MDN1: variants seen among roughly 807,000 people sequenced by gnomAD.
MDN1 encodes midasin AAA ATPase 1.
A neutral mutation model predicts 669.2 loss-of-function variants in MDN1; 266 were observed. The ratio of observed to expected loss-of-function variants is 0.40; its 90% CI spans 0.36 to 0.44. MDN1 has a LOEUF of 0.44. MDN1 is among the 20% of genes least tolerant of loss of function. The pLI is 1.00. For synonymous variants in MDN1, 2,385 were observed against 2,457.1 expected (o/e 0.97, Z 0.87); for missense variants, 5,940 against 6,754.0 (o/e 0.88, Z 4.22).
chr6:89,781,154 T>C lies in MDN1; in HGVS notation c.1643+245A>G. The C allele has an allele frequency of 7.7e-6, 4 of 522,776 alleles. No individual in the cohort carries two copies. In the South Asian group the frequency reaches 8.9e-5, roughly 12 times the overall value. 32.4% of individuals were successfully genotyped at this position (522,776 alleles called of 1,614,324 possible). A position where few individuals can be genotyped will look rare whatever the true frequency, so the allele number is the denominator to read the frequency against. ...AAGTTATTTTTTAAAGTTAAAAACA[T>C]TACCCTAATCGAGCCTTCCCAGTCA... On this transcript the variant is annotated intron_variant, in intron 10 of 101. Coordinates refer to ENST00000369393, the MANE Select transcript of MDN1 (RefSeq NM_014611.3).
intron 76 of MDN1, among the ~76,000 whole-genome samples, chr6:89,676,486 A>G (rs566997476): frequency 6.6e-6 from 1 of 152,178 alleles, no homozygotes; most frequent in African/African-American, 2.4e-5. Flanking sequence ...TCTGATGCCT[A>G]CAGGGGCCAG....
chr6:89,804,876 T>C (rs1767908739), intron 1 of MDN1, among the ~76,000 whole-genome samples: 1 of 150,536 alleles, frequency 6.6e-6, no homozygotes, highest in Non-Finnish European at 1.5e-5. Flanking sequence ...CTACTAAAAA[T>C]ACAAAAAAAA....
In MDN1 at chr6:89,749,405, C is replaced by T. The variant is rs747379503; in HGVS notation, c.3616-36G>A. The stretch of plus-strand genomic sequence containing the variant: ...CACAGGAAGAATGCAGTAAAAGGTG[C>T]CTTTTAATTTCCAATATGGAGGCTC... On this transcript the variant is annotated intron_variant, in intron 25 of 101. Transcript: ENST00000369393. 4.4e-6 allele frequency: 7 copies of T among 1,605,792 alleles called. No individual in the cohort carries two copies. In the South Asian group the frequency reaches 4.5e-5, roughly 10 times the overall value.
intron 53 of MDN1, among the ~76,000 whole-genome samples, chr6:89,703,109 G>A (rs185116511): frequency 2.6e-3 from 393 of 152,058 alleles, no homozygotes; most frequent in African/African-American, 9.0e-3. Context: ...TAATTGTTTT[G>A]TATTTTTAGT....
At position 89,718,893 on chromosome 6, in the gene MDN1, G is replaced by A. The variant is rs755769244; in HGVS notation, c.6195C>T (p.Val2065=). 15 of 1,613,980 alleles carry A rather than the reference G, an allele frequency of 9.3e-6. No individual in the cohort carries two copies. Among genetic ancestry groups the A allele is most frequent in the South Asian group, 3.3e-5 (3 of 91,056 alleles). Residue 2065 remains valine, a synonymous_variant, in exon 42 of 102, where the codon GTC becomes GTT. Coordinates refer to ENST00000369393, the MANE Select transcript of MDN1 (RefSeq NM_014611.3). ...CVQMSWMVIL[V]GPASVGKTSL... ...TGGTCTTGCCCACAGAGGCTGGCCCGACCAGGATGACCATCCAGCTCATCT... is the reference window on the plus strand; with the variant it reads ...TGGTCTTGCCCACAGAGGCTGGCCCAACCAGGATGACCATCCAGCTCATCT...
In MDN1 at chr6:89,761,750, TA is replaced by T; in HGVS notation, c.2357-3del. The stretch of plus-strand genomic sequence containing the variant: ...CCCATTTCTCTTTTATGAGTAACCC[TA>T]AAAAAGAAAGACAAGAATTCAGCAC... On this transcript the variant is annotated splice_region_variant and splice_polypyrimidine_tract_variant and intron_variant, in intron 16 of 101. Coordinates refer to ENST00000369393, the MANE Select transcript of MDN1 (RefSeq NM_014611.3). The T allele has an allele frequency of 1.9e-6, 3 of 1,590,122 alleles. No individual in the cohort carries two copies. Among genetic ancestry groups the T allele is most frequent in the South Asian group, 1.1e-5 (1 of 88,824 alleles).
chr6:89,747,060 C>T (rs1000557666), intron 27 of MDN1, among the ~76,000 whole-genome samples: 1 of 152,220 alleles, frequency 6.6e-6, no homozygotes, highest in Non-Finnish European at 1.5e-5. Flanking sequence ...ATTTGCCTAA[C>T]TCCCAAAGAG....
intron 29 of MDN1, 93 bp downstream of exon 29, chr6:89,745,180 G>A: frequency 7.6e-7 from 1 of 1,320,074 alleles, no homozygotes; most frequent in African/African-American, 1.5e-5. Flanking sequence ...GAAAGAAGGG[G>A]GGATTAATAC....
rs185806095 is a variant in MDN1, at chr6:89,799,520, C to T, written c.329+3808G>A. On this transcript the variant is annotated intron_variant, in intron 2 of 101. Transcript: ENST00000369393. Reference sequence around the variant, plus strand: ...CAACATGGTGAAATCCCCACCTCTACTAAAAATACAAAATTAGCCAGGTGT... The same window carrying T: ...CAACATGGTGAAATCCCCACCTCTATTAAAAATACAAAATTAGCCAGGTGT... Among the ~76,000 whole-genome samples the T allele has an allele frequency of 2.0e-4, 31 of 152,294 alleles. No homozygotes were observed. In the East Asian group the frequency reaches 5.6e-3, roughly 27 times the overall value.
intron 6 of MDN1, 60 bp from the exon 7 acceptor site, chr6:89,789,971 C>T: frequency 6.3e-7 from 1 of 1,593,414 alleles, no homozygotes; most frequent in South Asian, 1.1e-5. Flanking sequence ...AATGCTACAT[C>T]CTTTGATTAA....
chr6:89,654,889 T>A (rs1809145352), intron 92 of MDN1, among the ~76,000 whole-genome samples: 1 of 152,038 alleles, frequency 6.6e-6, no homozygotes, highest in Non-Finnish European at 1.5e-5. Flanking sequence ...TAATAAAAAG[T>A]AGTAGAAAAC....
chr6:89,713,042 G>A, intron 47 of MDN1, 106 bp downstream of exon 47: 2 of 1,260,992 alleles, frequency 1.6e-6, no homozygotes, highest in East Asian at 2.4e-5. Flanking sequence ...AACTGCAGTG[G>A]TCAACTCTCT....
At chr6:89,783,281 G>A (rs536942185) in intron 9 of MDN1, among the ~76,000 whole-genome samples, 230 of 152,204 alleles carry the variant, frequency 1.5e-3, no homozygotes, top group African/African-American at 5.3e-3. Context: ...CATTCCCGGG[G>A]GGGAGGTCTA....
intron 2 of MDN1, among the ~76,000 whole-genome samples, chr6:89,797,396 C>A (rs915899936): frequency 8.6e-5 from 11 of 128,464 alleles, no homozygotes; most frequent in Admixed American, 1.6e-4. Flanking sequence ...AAAAAAAATT[C>A]TATCTTAAAA....
intron 94 of MDN1, among the ~76,000 whole-genome samples, chr6:89,652,572 G>GAC (rs1808952318): frequency 1.3e-5 from 2 of 152,208 alleles, no homozygotes; most frequent in Non-Finnish European, 2.9e-5. Flanking sequence ...AATGTTATCT[G>GAC]ATTAATCAAA....
intron 43 of MDN1, 94 bp from the exon 44 acceptor site, chr6:89,716,903 G>T: frequency 7.7e-7 from 1 of 1,304,558 alleles, no homozygotes; most frequent in Non-Finnish European, 1.0e-6. Context: ...TTCTAGCCAA[G>T]GTTTTTAAGA....
intron 64 of MDN1, 84 bp downstream of exon 64, chr6:89,690,589 G>C: frequency 6.7e-7 from 1 of 1,502,620 alleles, no homozygotes; most frequent in Non-Finnish European, 9.1e-7. Context: ...GAGAGATAAA[G>C]AGGAAGAGAG....
At chr6:89,729,679 T>G (rs1036261090) in intron 35 of MDN1, among the ~76,000 whole-genome samples, 2 of 145,402 alleles carry the variant, frequency 1.4e-5, no homozygotes, top group African/African-American at 2.5e-5. Context: ...TTGTTTTCGT[T>G]TTTTTTTTTT....
At position 89,718,189 on chromosome 6, in the gene MDN1, C is replaced by A. The variant is rs4707562; in HGVS notation, c.6583+177G>T. On this transcript the variant is annotated intron_variant, in intron 43 of 101. Coordinates refer to ENST00000369393, the MANE Select transcript of MDN1 (RefSeq NM_014611.3). ...TTTTTCCTATTTGATTTTTCAGGATCAACTATTCTGAATACTTTACCTCAG... is the reference window on the plus strand; with the variant it reads ...TTTTTCCTATTTGATTTTTCAGGATAAACTATTCTGAATACTTTACCTCAG... Among the ~76,000 whole-genome samples the A allele has an allele frequency of 0.037, 5,594 of 152,234 alleles. 612 individuals carry two copies. In the East Asian group the frequency reaches 0.39, roughly 11 times the overall value.
Sources: allele counts gnomAD v4.1 joint callset (sites outside exome capture counted in the v4.1 genomes callset), GRCh38; gene constraint gnomAD v4.1.1; transcripts MANE v1.5; gene names NCBI Gene and HGNC (gene_info 2026-07-23, HGNC 2026-07-21).